GAD1: variants seen among roughly 807,000 people sequenced by gnomAD.
GAD1 encodes the protein glutamate decarboxylase 1, also known as 67 kDa glutamic acid decarboxylase.
In GAD1, 35 loss-of-function variants were observed where a neutral mutation model predicts 75.2. That is an observed-to-expected ratio of 0.47 (90% CI 0.36 to 0.62). The LOEUF (loss-of-function observed/expected upper bound fraction) is 0.62. GAD1 is among the 20% of genes least tolerant of loss of function. GAD1 has a pLI of 0.00. For missense variants in GAD1, 490 were observed against 758.5 expected, an observed-to-expected ratio of 0.65 and a Z score of 4.16; for synonymous variants, 257 against 271.9, an observed-to-expected ratio of 0.95 and a Z score of 0.54.
At position 170,831,344 on chromosome 2, in the gene GAD1, G is replaced by T. The variant is rs1185798358; in HGVS notation, c.547+152G>T. 1.9e-5 allele frequency: 17 copies of T among 891,450 alleles called. No individual in the cohort carries two copies. The East Asian group carries it at 3.9e-4, about 21-fold the overall frequency. The allele number at this position is 891,450 out of a possible 1,614,324, so 55.2% of individuals were successfully genotyped here. A position where few individuals can be genotyped will look rare whatever the true frequency, so the allele number is the denominator to read the frequency against. ...ACCCAGTGACCACAAGAACAAGCTT[G>T]GGCAGTAACAGTTGGTGGAGGGACC... On this transcript the variant is annotated intron_variant, in intron 5 of 16. Transcript: ENST00000358196.
rs953508636 is a variant in GAD1 at position 170,845,873 on chromosome 2, C to G, written c.947+88C>G. On this transcript the variant is annotated intron_variant, in intron 9 of 16. Coordinates refer to ENST00000358196, the MANE Select transcript of GAD1 (RefSeq NM_000817.3). ...GTTTTATTGTGCTTAAGGACTGGCT[C>G]AGTACATTGTGCCAAGCTGCTAATG... The G allele has an allele frequency of 2.7e-6, 4 of 1,464,074 alleles. No homozygotes were observed. The African/African-American group carries it at 4.2e-5, about 15-fold the overall frequency. The allele number at this position is 1,464,074 out of a possible 1,614,324, so 90.7% of individuals were successfully genotyped here. A position where few individuals can be genotyped will look rare whatever the true frequency, so the allele number is the denominator to read the frequency against.
upstream of GAD1, among the ~76,000 whole-genome samples, chr2:170,813,891 G>A (rs1443907115): frequency 6.6e-6 from 1 of 152,176 alleles, no homozygotes; most frequent in African/African-American, 2.4e-5. Flanking sequence ...ATGCCGGAGA[G>A]AGACTGGAGG....
intron 7 of GAD1, 148 bp from the exon 8 acceptor site, chr2:170,845,358 A>G (rs1575441525): frequency 1.4e-6 from 1 of 730,832 alleles, no homozygotes; most frequent in Non-Finnish European, 2.5e-6. Flanking sequence ...GGGAAGCCCC[A>G]GCAATAGGGA....
intron 5 of GAD1, 116 bp from the exon 6 acceptor site, chr2:170,836,677 C>T (rs1575436253): frequency 1.1e-5 from 8 of 758,334 alleles, no homozygotes; most frequent in African/African-American, 3.4e-5. Flanking sequence ...CAGCCTTATT[C>T]GACATATCAC....
intron 3 of GAD1, among the ~76,000 whole-genome samples, chr2:170,823,969 A>G (rs1388288493): frequency 1.3e-5 from 2 of 152,132 alleles, no homozygotes; most frequent in Non-Finnish European, 2.9e-5. Flanking sequence ...AGTGCTTCTT[A>G]TGGGGACATA....
chr2:170,815,036 T>C (rs1701670275), upstream of GAD1, among the ~76,000 whole-genome samples: 1 of 152,308 alleles, frequency 6.6e-6, no homozygotes, highest in Middle Eastern at 3.4e-3. Context: ...TCCTGTCTCC[T>C]GCCCCGTGCG....
chr2:170,814,296 G>A (rs1449877717), upstream of GAD1, among the ~76,000 whole-genome samples: 2 of 152,232 alleles, frequency 1.3e-5, no homozygotes, highest in South Asian at 2.1e-4. Flanking sequence ...GAGTCTGGTG[G>A]GTTGGCCCAT....
intron 3 of GAD1, among the ~76,000 whole-genome samples, chr2:170,826,383 A>G (rs1477740713): frequency 5.3e-5 from 8 of 151,966 alleles, no homozygotes; most frequent in Admixed American, 6.6e-5. Flanking sequence ...CCTGACCAAC[A>G]TGGCGAAACC....
At position 170,859,817 on chromosome 2, in the gene GAD1, GC is replaced by G; in HGVS notation, c.1722del (p.Ala575LeufsTer13). ...NFFRMVISNP[A>X]ATQSDIDFLI... ...CTTCCGGATGGTCATCTCCAACCCA[GC>G]CGCTACCCAGTCTGACATTGACTTC... On this transcript the variant is annotated frameshift_variant, in exon 17 of 17. Transcript: ENST00000358196. LOFTEE classifies it high-confidence loss of function. 1 of 1,614,154 alleles carries G rather than the reference GC, an allele frequency of 6.2e-7. No homozygotes were observed. The highest frequency in any genetic ancestry group is 8.5e-7 in the Non-Finnish European group (1 of 1,180,030).
chr2:170,824,706 G>A lies in GAD1; in HGVS notation c.145+2557G>A, dbSNP rs565161954. On this transcript the variant is annotated intron_variant, in intron 3 of 16. Transcript: ENST00000358196. ...CCCTGAAGGCAGAATTAGCTCTGGA[G>A]GCAGAATCCCCCAGGGAGAGTAATC... 2.0e-5 allele frequency among the ~76,000 whole-genome samples: 3 copies of A among 152,192 alleles called. 1 individual carries two copies. The highest frequency in any genetic ancestry group is 4.1e-4 in the South Asian group (2 of 4,828).
chr2:170,824,550 T>A (rs1195225041), intron 3 of GAD1, among the ~76,000 whole-genome samples: 1 of 152,166 alleles, frequency 6.6e-6, no homozygotes, highest in Non-Finnish European at 1.5e-5. Context: ...CCAAACCCAC[T>A]GCCCTGGATG....
intron 11 of GAD1, 127 bp downstream of exon 11, chr2:170,847,919 G>T (rs1403907276): frequency 2.6e-6 from 2 of 763,556 alleles, no homozygotes; most frequent in African/African-American, 1.7e-5. Flanking sequence ...TCCAGTTCTT[G>T]TCTGGACCCT....
intron 4 of GAD1, 98 bp downstream of exon 4, chr2:170,829,731 G>A: frequency 7.4e-7 from 1 of 1,344,934 alleles, no homozygotes; most frequent in Non-Finnish European, 1.0e-6. Flanking sequence ...ATCAAGAAAT[G>A]TCATTATTCT....
intron 2 of GAD1, among the ~76,000 whole-genome samples, chr2:170,820,674 G>A (rs1392754202): frequency 2.0e-5 from 3 of 152,236 alleles, no homozygotes; most frequent in Non-Finnish European, 2.9e-5. Context: ...TACATCAAAG[G>A]GGCTCTCTCG....
intron 3 of GAD1, among the ~76,000 whole-genome samples, chr2:170,824,640 A>C (rs1434064605): frequency 6.6e-6 from 1 of 151,978 alleles, no homozygotes. Context: ...AAATCCACAG[A>C]ATGAAGCTGC....
chr2:170,830,847 A>T, intron 4 of GAD1, 103 bp from the exon 5 acceptor site: 2 of 1,434,740 alleles, frequency 1.4e-6, no homozygotes, highest in East Asian at 2.3e-5. Flanking sequence ...CCCAGAATGA[A>T]ATCAGGCCTA....
Position 170,829,502 on chromosome 2 carries a change from A to G in GAD1, c.173A>G (p.Glu58Gly), listed in dbSNP as rs1276303274. The G allele has an allele frequency of 3.1e-6, 5 of 1,613,600 alleles. No homozygotes were observed. The highest frequency in any genetic ancestry group is 4.2e-6 in the Non-Finnish European group (5 of 1,180,040). The change falls in exon 4 of 17, where the codon GAA (glutamate) becomes GGA (glycine). Residue 58 changes from glutamate (E) to glycine (G), a missense_variant. Glu to Gly is a moderately conservative substitution (Grantham distance 98). Around this residue, in one of 3 missense-constraint regions of GAD1, gnomAD observed 165 missense variants for 216.4 expected, o/e 0.76. Coordinates refer to ENST00000358196, the MANE Select transcript of GAD1 (RefSeq NM_000817.3). Reference sequence around the variant, plus strand: ...TTCTTGCAAAGGACCAACAGCCTGGAAGAGAAGAGTCGCCTTGTGAGTGCC... The same window carrying G: ...TTCTTGCAAAGGACCAACAGCCTGGGAGAGAAGAGTCGCCTTGTGAGTGCC... ...CGFLQRTNSL[E>G]EKSRLVSAFK... is the part of the protein sequence containing the mutation.
Position 170,822,074 on chromosome 2 carries a change from T to C in GAD1, c.83-13T>C. On this transcript the variant is annotated splice_polypyrimidine_tract_variant and intron_variant, in intron 2 of 16. Coordinates refer to ENST00000358196, the MANE Select transcript of GAD1 (RefSeq NM_000817.3). ...CTCCCTAACCGAACCTCTCTCCCTC[T>C]CTCTCGTCCTAGCGTACGATACCTG... 6.2e-7 allele frequency: 1 copy of C among 1,603,772 alleles called. No individual in the cohort carries two copies. Among genetic ancestry groups the C allele is most frequent in the Non-Finnish European group, 8.5e-7 (1 of 1,175,476 alleles).
intron 6 of GAD1, among the ~76,000 whole-genome samples, chr2:170,843,302 C>T (rs1166244488): frequency 6.6e-6 from 1 of 152,186 alleles, no homozygotes; most frequent in Non-Finnish European, 1.5e-5. Context: ...ACAAATGTAA[C>T]CTTCCAAGAT....
Sources: allele counts gnomAD v4.1 joint callset (sites outside exome capture counted in the v4.1 genomes callset), GRCh38; gene constraint gnomAD v4.1.1; regional missense constraint gnomAD v4.1.1; transcripts MANE v1.5; gene names NCBI Gene and HGNC (gene_info 2026-07-23, HGNC 2026-07-21).